MAN1C1: variants seen among roughly 807,000 people sequenced by gnomAD.
MAN1C1 encodes the protein mannosyl-oligosaccharide 1,2-alpha-mannosidase IC.
Under a neutral mutation model 71.5 loss-of-function variants are expected in MAN1C1, and 49 were observed. That is an observed-to-expected ratio of 0.69 (90% confidence interval 0.54 to 0.87). The LOEUF (loss-of-function observed/expected upper bound fraction) is 0.87, where lower values mean the gene tolerates loss of function less well. Ranked by LOEUF, MAN1C1 falls within the 40% of genes least tolerant of loss-of-function variation. MAN1C1 has a pLI of 0.00. For synonymous variants in MAN1C1, 352 were observed against 343.7 expected, an observed-to-expected ratio of 1.02 and a Z score of -0.27; for missense variants, 743 against 835.0, an observed-to-expected ratio of 0.89 and a Z score of 1.36.
intron 1 of MAN1C1, among the ~76,000 whole-genome samples, chr1:25,676,031 A>T (rs1306155837): frequency 6.6e-6 from 1 of 152,092 alleles, no homozygotes; most frequent in Non-Finnish European, 1.5e-5. Context: ...GAACTGAGGT[A>T]CTCTGTTTCT....
At chr1:25,780,372 TG>T (rs1224303390) in intron 9 of MAN1C1, among the ~76,000 whole-genome samples, 2 of 152,288 alleles carry the variant, frequency 1.3e-5, no homozygotes, top group East Asian at 3.9e-4. Flanking sequence ...GGTGCATTCC[TG>T]GGCAATCTTC....
Position 25,700,521 on chromosome 1 carries a change from A to C in MAN1C1, c.637+13985A>C, listed in dbSNP as rs76852179. ...GAGCAGAGTTGGGCAGAGGATGTGA[A>C]AATGAGCAGAACACAGTGGGCTCCT... On this transcript the variant is annotated intron_variant, in intron 2 of 11. Coordinates refer to ENST00000374332, the MANE Select transcript of MAN1C1 (RefSeq NM_020379.4). Among the ~76,000 whole-genome samples the C allele has an allele frequency of 2.7e-3, 410 of 152,338 alleles. 5 individuals are homozygous for C. Among genetic ancestry groups the C allele is most frequent in the East Asian group, 9.2e-3 (48 of 5,190 alleles).
chr1:25,756,464 G>GA (rs11462718), intron 5 of MAN1C1, among the ~76,000 whole-genome samples: 82,499 of 152,082 alleles, frequency 0.54, 24,518 homozygotes, highest in Middle Eastern at 0.78. Context: ...CCATGTGGGG[G>GA]AAAAGGAGAA....
At position 25,735,286 on chromosome 1, in the gene MAN1C1, C is replaced by T. The variant is rs1487083436; in HGVS notation, c.638-11382C>T. Among the ~76,000 whole-genome samples, 1 of 152,158 alleles carries T rather than the reference C, an allele frequency of 6.6e-6. No individual in the cohort carries two copies. The highest frequency in any genetic ancestry group is 2.4e-5 in the African/African-American group (1 of 41,430). On this transcript the variant is annotated intron_variant, in intron 2 of 11. Coordinates refer to ENST00000374332, the MANE Select transcript of MAN1C1 (RefSeq NM_020379.4). The surrounding 1 kb of genome is among the most constrained non-coding windows in gnomAD (Gnocchi z 4.6). Reference sequence around the variant, plus strand: ...CACAAAAATTAGCCGGGCATGCTGACGCATGCCTGTAATCCCAGCTACTTG... The same window carrying T: ...CACAAAAATTAGCCGGGCATGCTGATGCATGCCTGTAATCCCAGCTACTTG...
intron 1 of MAN1C1, among the ~76,000 whole-genome samples, chr1:25,670,799 G>A (rs577933442): frequency 6.6e-6 from 1 of 152,336 alleles, no homozygotes; most frequent in Middle Eastern, 3.4e-3. Context: ...TACCTCTGAG[G>A]GTGGTTGGGT....
rs971959676 is a variant in MAN1C1 at position 25,753,242 on chromosome 1, C to T, written c.835-242C>T. Among the ~76,000 whole-genome samples, 1 of 152,188 alleles carries T rather than the reference C, an allele frequency of 6.6e-6. No homozygotes were observed. The highest frequency in any genetic ancestry group is 2.4e-5 in the African/African-American group (1 of 41,442). Reference sequence around the variant, plus strand: ...TGCCACAATTATCTAATTTTCATTTCTCCCAACAACTCTCTAAGAAGGCCA... The same window carrying T: ...TGCCACAATTATCTAATTTTCATTTTTCCCAACAACTCTCTAAGAAGGCCA... On this transcript the variant is annotated intron_variant, in intron 4 of 11. Coordinates refer to ENST00000374332, the MANE Select transcript of MAN1C1 (RefSeq NM_020379.4). The surrounding 1 kb of genome is among the most constrained non-coding windows in gnomAD (Gnocchi z 4.9).
intron 2 of MAN1C1, among the ~76,000 whole-genome samples, chr1:25,732,969 A>G (rs886318244): frequency 6.6e-6 from 1 of 152,148 alleles, no homozygotes; most frequent in Admixed American, 6.5e-5. Context: ...CTGTGTGGCC[A>G]CAATGTATAC....
At chr1:25,629,816 A>AT (rs1299485455) in intron 1 of MAN1C1, among the ~76,000 whole-genome samples, 1 of 150,768 alleles carries the variant, frequency 6.6e-6, no homozygotes, top group Non-Finnish European at 1.5e-5. Flanking sequence ...GTATGCAAAT[A>AT]TTTTCTCCCA....
At chr1:25,727,050 C>T (rs542462538) in intron 2 of MAN1C1, among the ~76,000 whole-genome samples, 1 of 151,884 alleles carries the variant, frequency 6.6e-6, no homozygotes, top group South Asian at 2.1e-4. Flanking sequence ...GAGCAAGACC[C>T]TGTTTCCAAA....
intron 1 of MAN1C1, among the ~76,000 whole-genome samples, chr1:25,669,155 A>G (rs1198480577): frequency 6.6e-6 from 1 of 152,194 alleles, no homozygotes; most frequent in African/African-American, 2.4e-5. Context: ...TGTTTTGCCC[A>G]CTGACGGGAG....
At chr1:25,719,088 T>C (rs933145734) in intron 2 of MAN1C1, among the ~76,000 whole-genome samples, 4 of 147,806 alleles carry the variant, frequency 2.7e-5, no homozygotes, top group Non-Finnish European at 6.0e-5. Context: ...ATTATTATTA[T>C]TGAGACGGAG....
At chr1:25,722,774 A>G (rs1282053717) in intron 2 of MAN1C1, among the ~76,000 whole-genome samples, 1 of 152,090 alleles carries the variant, frequency 6.6e-6, no homozygotes, top group Non-Finnish European at 1.5e-5. Flanking sequence ...TGTGTCTTCA[A>G]GTTAAATGTG....
intron 7 of MAN1C1, among the ~76,000 whole-genome samples, chr1:25,767,898 ATACACACACAT>A (rs746767928): frequency 4.2e-4 from 35 of 83,746 alleles, no homozygotes; most frequent in Non-Finnish European, 7.6e-4. Flanking sequence ...CACTCCCCTC[ATACACACACAT>A]TACACACTCC....
rs571240257 is a variant in MAN1C1 at position 25,769,694 on chromosome 1, G to C, written c.1142-1963G>C. ...TGCTCAGCACTCCATGGGCATCTCT[G>C]TGCGCCGTGTAGTTACTGGGCACAG... On this transcript the variant is annotated intron_variant, in intron 7 of 11. Transcript: ENST00000374332. The surrounding 1 kb of genome is among the most constrained non-coding windows in gnomAD (Gnocchi z 4.8). 1.3e-5 allele frequency among the ~76,000 whole-genome samples: 2 copies of C among 152,260 alleles called. No individual in the cohort carries two copies. The highest frequency in any genetic ancestry group is 2.1e-4 in the South Asian group (1 of 4,820).
At position 25,782,939 on chromosome 1, in the gene MAN1C1, G is replaced by C. The variant is rs1037516759; in HGVS notation, c.1766+239G>C. Among the ~76,000 whole-genome samples the C allele has an allele frequency of 6.6e-6, 1 of 152,204 alleles. No homozygotes were observed. Among genetic ancestry groups the C allele is most frequent in the African/African-American group, 2.4e-5 (1 of 41,438 alleles). ...AGGGACGCACCGTGTGATACCGCAG[G>C]TTCCTTCAGTTTCTCGCTTATCTCC... On this transcript the variant is annotated intron_variant, in intron 11 of 11. Transcript: ENST00000374332. The surrounding 1 kb of genome is among the most constrained non-coding windows in gnomAD (Gnocchi z 4.4).
intron 7 of MAN1C1, among the ~76,000 whole-genome samples, chr1:25,766,433 T>C (rs2047428263): frequency 6.6e-6 from 1 of 152,148 alleles, no homozygotes; most frequent in South Asian, 2.1e-4. Flanking sequence ...CATCATTTTC[T>C]CTTCTTGAAT....
intron 2 of MAN1C1, among the ~76,000 whole-genome samples, chr1:25,686,875 G>A (rs2046238750): frequency 6.6e-6 from 1 of 152,204 alleles, no homozygotes; most frequent in Admixed American, 6.5e-5. Flanking sequence ...GGACACAGAG[G>A]ACCAGGTTTA....
chr1:25,629,782 C>T (rs796157421), intron 1 of MAN1C1, among the ~76,000 whole-genome samples: 7 of 151,848 alleles, frequency 4.6e-5, no homozygotes, highest in African/African-American at 1.7e-4. Context: ...GGTTTTTAGA[C>T]ACTAGTTCTT....
At chr1:25,762,826 G>C (rs2047378806) in intron 6 of MAN1C1, among the ~76,000 whole-genome samples, 1 of 152,176 alleles carries the variant, frequency 6.6e-6, no homozygotes, top group African/African-American at 2.4e-5. Flanking sequence ...CAGGAATATA[G>C]ATAATCTCTT....
Sources: gnomAD v4.1 joint callset for allele counts (sites outside exome capture counted in the v4.1 genomes callset) on GRCh38, gnomAD v4.1.1 for gene constraint, Gnocchi (gnomAD v3.1) non-coding constraint, MANE v1.5 for transcripts, NCBI Gene and HGNC (gene_info 2026-07-23, HGNC 2026-07-21) for gene names.